PIK3C3: variants seen among roughly 807,000 people sequenced by gnomAD.
The protein encoded by PIK3C3 is phosphatidylinositol 3-kinase catalytic subunit type 3, also known as PI3-kinase type 3.
Under a neutral mutation model 126.1 loss-of-function variants are expected in PIK3C3, and 95 were observed. The ratio of observed to expected loss-of-function variants is 0.75; its 90% CI spans 0.64 to 0.89. The LOEUF (loss-of-function observed/expected upper bound fraction) is 0.89, where lower values mean the gene tolerates loss of function less well. Among genes scored for constraint, PIK3C3 ranks in the 40% least tolerant of loss-of-function variants. PIK3C3 has a pLI of 0.00. For missense variants in PIK3C3, 829 were observed against 1,063.2 expected, an observed-to-expected ratio of 0.78 and a Z score of 3.06; for synonymous variants, 374 against 360.0, an observed-to-expected ratio of 1.04 and a Z score of -0.44.
chr18:41,960,069 GC>G (rs1199056051), intron 2 of PIK3C3, among the ~76,000 whole-genome samples: 1 of 152,084 alleles, frequency 6.6e-6, no homozygotes, highest in African/African-American at 2.4e-5. Flanking sequence ...GTATTTTAGG[GC>G]CAGTATGAGA....
intron 22 of PIK3C3, among the ~76,000 whole-genome samples, chr18:42,059,455 GA>G (rs1482448143): frequency 1.3e-5 from 2 of 152,148 alleles, no homozygotes; most frequent in East Asian, 3.9e-4. Context: ...TCGAACCATG[GA>G]TATCTCAGGG....
intron 22 of PIK3C3, among the ~76,000 whole-genome samples, chr18:42,058,884 C>A (rs1387925797): frequency 6.6e-6 from 1 of 152,204 alleles, no homozygotes; most frequent in Non-Finnish European, 1.5e-5. Context: ...CAGAAAATCC[C>A]AGTCCAGGAA....
At position 42,084,596 on chromosome 18, in the gene PIK3C3, A is replaced by G. The variant is rs1214419070; in HGVS notation, c.*3459A>G. The G allele has an allele frequency of 1.3e-5, 2 of 148,898 alleles. No homozygotes were observed. Among genetic ancestry groups the G allele is most frequent in the African/African-American group, 5.1e-5 (2 of 39,402 alleles). 9.2% of individuals were successfully genotyped at this position (148,898 alleles called of 1,614,324 possible). A position where few individuals can be genotyped will look rare whatever the true frequency, so the allele number is the denominator to read the frequency against. Reference sequence around the variant, plus strand: ...AGCTAAAAACAAACCAAAAAAAAAAAAAAAAAAAAAGGAAAAACAGAATAA... The same window carrying G: ...AGCTAAAAACAAACCAAAAAAAAAAGAAAAAAAAAAGGAAAAACAGAATAA... On this transcript the variant is annotated 3_prime_UTR_variant, in exon 25 of 25. Coordinates refer to ENST00000262039, the MANE Select transcript of PIK3C3 (RefSeq NM_002647.4).
rs1050867427 is a variant in PIK3C3 at position 42,082,548 on chromosome 18, T to C, written c.*1411T>C. The C allele has an allele frequency of 2.0e-5, 3 of 152,230 alleles. No homozygotes were observed. The highest frequency in any genetic ancestry group is 6.5e-5 in the Admixed American group (1 of 15,280). The allele number at this position is 152,230 out of a possible 1,614,324, so 9.4% of individuals were successfully genotyped here. On this transcript the variant is annotated 3_prime_UTR_variant, in exon 25 of 25. Coordinates refer to ENST00000262039, the MANE Select transcript of PIK3C3 (RefSeq NM_002647.4). ...CCATCGTCTACCTTTCTTTTTCTTTTCTTCACATGTTTATGTCTTTTTTGT... is the reference window on the plus strand; with the variant it reads ...CCATCGTCTACCTTTCTTTTTCTTTCCTTCACATGTTTATGTCTTTTTTGT...
At position 42,061,589 on chromosome 18, in the gene PIK3C3, AAAG is replaced by A. The variant is rs372922018; in HGVS notation, c.2433-3150_2433-3148del. 4.1e-3 allele frequency among the ~76,000 whole-genome samples: 620 copies of A among 152,290 alleles called. 5 individuals are homozygous for A. The highest frequency in any genetic ancestry group is 0.014 in the African/African-American group (579 of 41,574). ...AGAACAAGACTCCATCTAAAAAAAA[AAAG>A]TGGCCTTTAAATTTGTGTTTCTGAG... On this transcript the variant is annotated intron_variant, in intron 22 of 24. Transcript: ENST00000262039.
rs1310569305 is a variant in PIK3C3, at chr18:41,990,739, C to A, written c.714+185C>A. The A allele has an allele frequency of 9.6e-6, 5 of 520,280 alleles. No individual in the cohort carries two copies. The South Asian group carries it at 1.1e-4, about 12-fold the overall frequency. The allele number at this position is 520,280 out of a possible 1,614,324, so 32.2% of individuals were successfully genotyped here. On this transcript the variant is annotated intron_variant, in intron 6 of 24. Transcript: ENST00000262039. ...CTACAACAAGATTACAAAAGCCTATCACTCATGTAATGCAGTTCTGGGTTA... is the reference window on the plus strand; with the variant it reads ...CTACAACAAGATTACAAAAGCCTATAACTCATGTAATGCAGTTCTGGGTTA...
At position 41,990,550 on chromosome 18, in the gene PIK3C3, A is replaced by G. The variant is rs200296027; in HGVS notation, c.710A>G (p.Glu237Gly). 5 of 1,531,914 alleles carry G rather than the reference A, an allele frequency of 3.3e-6. No individual in the cohort carries two copies. In the African/African-American group the frequency reaches 5.5e-5, roughly 17 times the overall value. The allele number at this position is 1,531,914 out of a possible 1,614,324, so 94.9% of individuals were successfully genotyped here. The change falls in exon 6 of 25, where the codon GAA becomes GGA. Residue 237 changes from glutamate (E) to glycine (G), a missense_variant. By Grantham distance (98) the Glu-to-Gly change is moderately conservative. Transcript: ENST00000262039. ...DDKEYGIVYY[E>G]KDGDESSPIL... ...AAGGAATATGGTATTGTTTATTATGAAAAGGTATTTCCCTTGGAACTGTTT... is the reference window on the plus strand; with the variant it reads ...AAGGAATATGGTATTGTTTATTATGGAAAGGTATTTCCCTTGGAACTGTTT...
chr18:42,078,280 G>A (rs988951947), intron 24 of PIK3C3, among the ~76,000 whole-genome samples: 8 of 151,078 alleles, frequency 5.3e-5, no homozygotes, highest in African/African-American at 1.9e-4. Flanking sequence ...GGGAGGCTGA[G>A]GCAGGAGAAT....
chr18:41,991,174 A>G (rs1981757768), intron 6 of PIK3C3, among the ~76,000 whole-genome samples: 1 of 151,478 alleles, frequency 6.6e-6, no homozygotes, highest in Non-Finnish European at 1.5e-5. Flanking sequence ...ATGCTTGTAG[A>G]AGGTGCTTCA....
At chr18:41,991,603 A>G (rs1019682410) in intron 6 of PIK3C3, among the ~76,000 whole-genome samples, 2 of 152,198 alleles carry the variant, frequency 1.3e-5, no homozygotes, top group African/African-American at 4.8e-5. Context: ...TAAAGCTGTC[A>G]CAAGTGATTT....
At chr18:42,002,312 T>C (rs1982328651) in intron 9 of PIK3C3, among the ~76,000 whole-genome samples, 1 of 152,122 alleles carries the variant, frequency 6.6e-6, no homozygotes, top group East Asian at 1.9e-4. Context: ...GTTAATGAAA[T>C]GGGTTTGCAT....
intron 24 of PIK3C3, among the ~76,000 whole-genome samples, chr18:42,069,764 C>T (rs1299484373): frequency 2.0e-5 from 3 of 152,076 alleles, no homozygotes; most frequent in African/African-American, 7.2e-5. Flanking sequence ...TGGTTTTTCT[C>T]CTTTGTTTTC....
At chr18:42,026,866 A>G (rs559429330) in intron 13 of PIK3C3, 1 of 152,384 alleles carries the variant, frequency 6.6e-6, no homozygotes, top group South Asian at 2.1e-4. Context: ...TTAAGAAGAC[A>G]TTTAAAATGT....
At chr18:42,013,162 TGGCCACTTAGTCTGTGCC>T (rs1043246029) in intron 10 of PIK3C3, among the ~76,000 whole-genome samples, 1 of 150,640 alleles carries the variant, frequency 6.6e-6, no homozygotes, top group Non-Finnish European at 1.5e-5. Context: ...CGTCATTTAC[TGGCCACTTAGTCTGTGCC>T]GGACACTATA....
chr18:41,987,646 A>G (rs1458726645), intron 4 of PIK3C3, among the ~76,000 whole-genome samples, 166 bp from the exon 5 acceptor site: 1 of 152,148 alleles, frequency 6.6e-6, no homozygotes, highest in Non-Finnish European at 1.5e-5. Flanking sequence ...TCTTTAAAAA[A>G]TAATGATTTG....
intron 24 of PIK3C3, among the ~76,000 whole-genome samples, chr18:42,076,147 C>G (rs369169154): frequency 2.9e-5 from 1 of 34,220 alleles, no homozygotes; most frequent in Non-Finnish European, 5.0e-5. Flanking sequence ...TATATATGCG[C>G]ATATATATAT....
intron 2 of PIK3C3, among the ~76,000 whole-genome samples, chr18:41,959,420 T>G (rs1343378784): frequency 6.6e-6 from 1 of 152,216 alleles, no homozygotes; most frequent in Non-Finnish European, 1.5e-5. Context: ...TTGTAGTTTT[T>G]AAATTGTGAA....
At chr18:42,024,406 CT>C (rs1345850682) in intron 13 of PIK3C3, among the ~76,000 whole-genome samples, 5 of 151,016 alleles carry the variant, frequency 3.3e-5, no homozygotes, top group African/African-American at 1.2e-4. Flanking sequence ...TTTAGGTGGC[CT>C]TTTTGTTTGA....
At chr18:41,990,659 C>T (rs780717358) in intron 6 of PIK3C3, 105 bp downstream of exon 6, 2 of 637,192 alleles carry the variant, frequency 3.1e-6, no homozygotes, top group Non-Finnish European at 5.6e-6. Context: ...TGCAGGGTAG[C>T]AGCAGACAGC....
Sources: allele counts gnomAD v4.1 joint callset (sites outside exome capture counted in the v4.1 genomes callset), GRCh38; gene constraint gnomAD v4.1.1; transcripts MANE v1.5; gene names NCBI Gene and HGNC (gene_info 2026-07-23, HGNC 2026-07-21).